COL6A6: variants seen among roughly 807,000 people sequenced by gnomAD.
COL6A6 encodes the protein collagen type VI alpha 6 chain, also known as collagen alpha-6(VI) chain.
COL6A6 carries 183 observed loss-of-function variants against 208.6 expected under a neutral mutation model. The ratio of observed to expected loss-of-function variants is 0.88; its 90% confidence interval spans 0.78 to 0.99. The LOEUF (loss-of-function observed/expected upper bound fraction) is 0.99, where lower values mean the gene tolerates loss of function less well. COL6A6 is among the 50% of genes least tolerant of loss of function. The probability of loss-of-function intolerance (pLI) is 0.00; values close to 1 mark genes in which losing one functional copy is unlikely to be tolerated. For missense variants in COL6A6, 2,816 were observed against 2,815.2 expected, an observed-to-expected ratio of 1.00 and a Z score of -0.01; for synonymous variants, 973 against 1,011.8, an observed-to-expected ratio of 0.96 and a Z score of 0.73.
At chr3:130,562,045 T>A (rs911859517) in intron 2 of COL6A6, among the ~76,000 whole-genome samples, 1 of 152,216 alleles carries the variant, frequency 6.6e-6, no homozygotes, top group African/African-American at 2.4e-5. Context: ...AAAGTCAGGG[T>A]GTTCATGACT....
chr3:130,536,854 C>A (rs1396330), intron 1 of COL6A6, among the ~76,000 whole-genome samples: 130,941 of 152,258 alleles, frequency 0.86, 56,804 homozygotes, highest in African/African-American at 0.9. Flanking sequence ...TGTAATTGGC[C>A]AGAGTGGAAG....
chr3:130,665,691 T>A (rs968045613), intron 36 of COL6A6, among the ~76,000 whole-genome samples: 7 of 152,166 alleles, frequency 4.6e-5, no homozygotes, highest in African/African-American at 7.2e-5. Context: ...GAGAAAATGT[T>A]CTCTATACAA....
At chr3:130,673,175 T>C (rs185672113) in intron 36 of COL6A6, among the ~76,000 whole-genome samples, 1,011 of 99,328 alleles carry the variant, frequency 0.01, 12 homozygotes, top group African/African-American at 0.05. Flanking sequence ...CAAGACTCTA[T>C]CTCAAAAAAA....
At chr3:130,561,827 T>G (rs566720701) in intron 2 of COL6A6, among the ~76,000 whole-genome samples, 1 of 151,646 alleles carries the variant, frequency 6.6e-6, no homozygotes, top group Admixed American at 6.6e-5. Flanking sequence ...TAATTTTTTG[T>G]ATTTTTAGTA....
intron 23 of COL6A6, among the ~76,000 whole-genome samples, chr3:130,620,225 G>A (rs2064670251): frequency 6.6e-6 from 1 of 152,172 alleles, no homozygotes; most frequent in Non-Finnish European, 1.5e-5. Context: ...AGGAGTCATT[G>A]TGTAGAAGTG....
At chr3:130,527,364 T>C (rs1167979193) in intron 1 of COL6A6, among the ~76,000 whole-genome samples, 1 of 152,222 alleles carries the variant, frequency 6.6e-6, no homozygotes. Flanking sequence ...ATCTGATTTG[T>C]GTCCTGTTTT....
chr3:130,574,157 A>G lies in COL6A6; in HGVS notation c.3179A>G (p.Glu1060Gly), dbSNP rs147135198. ...TTTCCACTGGGAACTTTCATAGGTGAAAAAGAGATATCATTTCAGATTGAA... is the reference window on the plus strand; with the variant it reads ...TTTCCACTGGGAACTTTCATAGGTGGAAAAGAGATATCATTTCAGATTGAA... Reference protein sequence around the residue: ...PEFPLGTFIGEKEISFQIENI... With the variant: ...PEFPLGTFIGGKEISFQIENI... The change falls in exon 8 of 37, where the codon GAA becomes GGA. Residue 1060 changes from glutamate (E) to glycine (G), a missense_variant. Physicochemically the swap from Glu to Gly is moderately conservative, Grantham distance 98 (BLOSUM62 -2). Coordinates refer to ENST00000358511, the MANE Select transcript of COL6A6 (RefSeq NM_001102608.3). 9 of 1,613,902 alleles carry G rather than the reference A, an allele frequency of 5.6e-6. No homozygotes were observed. The African/African-American group carries it at 1.2e-4, about 22-fold the overall frequency.
intron 1 of COL6A6, among the ~76,000 whole-genome samples, chr3:130,547,651 C>T (rs1017635831): frequency 2.6e-5 from 4 of 152,170 alleles, no homozygotes; most frequent in East Asian, 1.9e-4. Context: ...TCATCACAGG[C>T]GTTCATGATC....
chr3:130,535,625 C>T (rs558288989), intron 1 of COL6A6, among the ~76,000 whole-genome samples: 2 of 152,020 alleles, frequency 1.3e-5, no homozygotes, highest in East Asian at 3.9e-4. Context: ...TTCCTATGCA[C>T]CTAAAGTGGT....
At chr3:130,573,919 A>G in intron 7 of COL6A6, 37 bp from the exon 8 acceptor site, 2 of 1,426,540 alleles carry the variant, frequency 1.4e-6, no homozygotes, top group Non-Finnish European at 2.0e-6. Flanking sequence ...AAAGAATAAC[A>G]ATCTGGGTTT....
Position 130,626,540 on chromosome 3 carries a change from G to C in COL6A6, c.4934G>C (p.Gly1645Ala). ...KGAVGFPGPR[G>A]LQGNDGSPGY... Reference sequence around the variant, plus strand: ...GCTGTTGGCTTTCCTGGTCCTCGTGGCTTGCAGGTTTGTATTTTGACACTA... The same window carrying C: ...GCTGTTGGCTTTCCTGGTCCTCGTGCCTTGCAGGTTTGTATTTTGACACTA... The change falls in exon 25 of 37, where the codon GGC becomes GCC. Residue 1645 changes from glycine (G) to alanine (A), a missense_variant. Transcript: ENST00000358511. 6.2e-7 allele frequency: 1 copy of C among 1,612,276 alleles called. No individual in the cohort carries two copies. The highest frequency in any genetic ancestry group is 8.5e-7 in the Non-Finnish European group (1 of 1,178,346).
intron 1 of COL6A6, among the ~76,000 whole-genome samples, 63 bp downstream of exon 1, chr3:130,517,460 G>C (rs1247382324): frequency 6.6e-6 from 1 of 152,286 alleles, no homozygotes; most frequent in Admixed American, 6.5e-5. Context: ...GTGATCAGTA[G>C]TTGGATGGGA....
chr3:130,604,111 T>C (rs1046916641), intron 20 of COL6A6, among the ~76,000 whole-genome samples: 6 of 152,190 alleles, frequency 3.9e-5, no homozygotes, highest in Admixed American at 3.3e-4. Flanking sequence ...TTAGGCAAAA[T>C]TGCAAAATCA....
intron 36 of COL6A6, among the ~76,000 whole-genome samples, chr3:130,673,220 A>AC (rs571267229): frequency 7.7e-6 from 1 of 129,624 alleles, no homozygotes; most frequent in Non-Finnish European, 1.6e-5. Context: ...AAAAAAACAA[A>AC]AAAAAAAAAC....
chr3:130,553,589 A>G (rs1386614726), intron 1 of COL6A6, among the ~76,000 whole-genome samples: 1 of 147,354 alleles, frequency 6.8e-6, no homozygotes, highest in Admixed American at 6.7e-5. Context: ...TTTGATTTTG[A>G]CTCTCTCTCT....
chr3:130,662,731 T>C (rs1225357228), intron 35 of COL6A6, among the ~76,000 whole-genome samples: 1 of 152,192 alleles, frequency 6.6e-6, no homozygotes, highest in African/African-American at 2.4e-5. Flanking sequence ...AATTAAACAG[T>C]TCTTGGCTTT....
chr3:130,636,712 ACTC>A lies in COL6A6; in HGVS notation c.5091+955_5091+957del, dbSNP rs575371876. ...GGTTTTAGGGGTACAAAATAAGGAAACTCCTCTTCTTCTGCCTCTTCCTCCCCT... is the reference window on the plus strand; with the variant it reads ...GGTTTTAGGGGTACAAAATAAGGAAACTCTTCTTCTGCCTCTTCCTCCCCT... On this transcript the variant is annotated intron_variant, in intron 28 of 36. Coordinates refer to ENST00000358511, the MANE Select transcript of COL6A6 (RefSeq NM_001102608.3). Among the ~76,000 whole-genome samples, 463 of 140,550 alleles carry A rather than the reference ACTC, an allele frequency of 3.3e-3. 3 individuals carry two copies. The highest frequency in any genetic ancestry group is 0.012 in the African/African-American group (441 of 37,104). The allele number at this position is 140,550 out of a possible 152,430, so 92.2% of individuals were successfully genotyped here.
Position 130,675,517 on chromosome 3 carries a change from T to G in COL6A6, c.*120T>G. The G allele has an allele frequency of 1.5e-6, 1 of 656,388 alleles. No individual in the cohort carries two copies. Among genetic ancestry groups the G allele is most frequent in the Non-Finnish European group, 2.6e-6 (1 of 390,410 alleles). The allele number at this position is 656,388 out of a possible 1,614,324, so 40.7% of individuals were successfully genotyped here. A position where few individuals can be genotyped will look rare whatever the true frequency, so the allele number is the denominator to read the frequency against. On this transcript the variant is annotated 3_prime_UTR_variant, in exon 37 of 37. Coordinates refer to ENST00000358511, the MANE Select transcript of COL6A6 (RefSeq NM_001102608.3). ...TAGGTTATCAGGTGACTTGACCCCCTGCATTCATTGGTATTAAGATATATC... is the reference window on the plus strand; with the variant it reads ...TAGGTTATCAGGTGACTTGACCCCCGGCATTCATTGGTATTAAGATATATC...
At chr3:130,616,687 C>T (rs1429303852) in intron 23 of COL6A6, among the ~76,000 whole-genome samples, 1 of 151,702 alleles carries the variant, frequency 6.6e-6, no homozygotes, top group Non-Finnish European at 1.5e-5. Context: ...CAAGAAAGTT[C>T]GGAGATGTTC....
Sources: gnomAD v4.1 joint callset for allele counts (sites outside exome capture counted in the v4.1 genomes callset) on GRCh38, gnomAD v4.1.1 for gene constraint, MANE v1.5 for transcripts, NCBI Gene and HGNC (gene_info 2026-07-23, HGNC 2026-07-21) for gene names.